Variants in PRELID2 observed in about 807,000 individuals in gnomAD.
PRELID2 encodes PRELI domain-containing protein 2.
PRELID2 carries 25 observed loss-of-function variants against 28.4 expected under a neutral mutation model. The ratio of observed to expected loss-of-function variants is 0.88; its 90% CI spans 0.64 to 1.23. PRELID2 has a LOEUF of 1.23. PRELID2 is among the 50% of genes most tolerant of loss of function. The pLI is 0.00. For synonymous variants in PRELID2, 76 were observed against 71.6 expected, an observed-to-expected ratio of 1.06 and a Z score of -0.31; for missense variants, 201 against 214.4, an observed-to-expected ratio of 0.94 and a Z score of 0.39.
chr5:145,590,389 C>T (rs10072272), intron 1 of PRELID2, among the ~76,000 whole-genome samples: 16,547 of 152,066 alleles, frequency 0.11, 2,407 homozygotes, highest in African/African-American at 0.34. Flanking sequence ...TCTAACATTT[C>T]CTTATTATTT....
intron 1 of PRELID2, among the ~76,000 whole-genome samples, chr5:145,505,372 T>A (rs576817242): frequency 9.2e-5 from 14 of 152,246 alleles, no homozygotes; most frequent in Non-Finnish European, 1.9e-4. Context: ...AACATCTGAG[T>A]TGGACTGTAG....
At chr5:145,541,498 C>A (rs1315411895) in intron 1 of PRELID2, among the ~76,000 whole-genome samples, 2 of 151,996 alleles carry the variant, frequency 1.3e-5, no homozygotes, top group African/African-American at 4.8e-5. Flanking sequence ...ATACACTGAA[C>A]CATTACACAA....
chr5:145,793,136 G>T (rs533290897), intron 5 of PRELID2, among the ~76,000 whole-genome samples: 9 of 152,204 alleles, frequency 5.9e-5, no homozygotes, highest in African/African-American at 2.2e-4. Context: ...TGACACAAAG[G>T]CTCCCAAATT....
chr5:145,600,428 A>ATAT (rs571050308), intron 1 of PRELID2, among the ~76,000 whole-genome samples: 1 of 119,454 alleles, frequency 8.4e-6, no homozygotes, highest in Admixed American at 8.5e-5. Flanking sequence ...GGGAAAAAAA[A>ATAT]AAAAAAATAT....
chr5:145,511,790 T>C (rs1752463345), intron 1 of PRELID2, among the ~76,000 whole-genome samples: 1 of 152,138 alleles, frequency 6.6e-6, no homozygotes, highest in Non-Finnish European at 1.5e-5. Flanking sequence ...AACAACTCAA[T>C]GGTCAGAAAT....
intron 1 of PRELID2, among the ~76,000 whole-genome samples, chr5:145,550,577 T>C (rs949282691): frequency 2.0e-5 from 3 of 152,070 alleles, no homozygotes; most frequent in Admixed American, 6.6e-5. Context: ...TCATCTCTAA[T>C]ATAGTAATAA....
the PRELID2 span, among the ~76,000 whole-genome samples, chr5:145,374,212 G>C: frequency 2.0e-5 from 3 of 151,726 alleles, no homozygotes; most frequent in Non-Finnish European, 4.4e-5. Context: ...TGCTTGTCTG[G>C]GAAGGATTTT....
intron 1 of PRELID2, among the ~76,000 whole-genome samples, chr5:145,666,015 G>T (rs1268931264): frequency 6.8e-6 from 1 of 146,660 alleles, no homozygotes; most frequent in South Asian, 2.1e-4. Flanking sequence ...AAGAAAGAAA[G>T]AAAGTACTAT....
chr5:145,672,261 T>G (rs1754722282), intron 1 of PRELID2, among the ~76,000 whole-genome samples: 2 of 152,118 alleles, frequency 1.3e-5, no homozygotes, highest in Non-Finnish European at 2.9e-5. Flanking sequence ...ATCAGCATCA[T>G]CTTTCACAGC....
At chr5:145,732,454 C>T (rs1019926) in intron 1 of PRELID2, among the ~76,000 whole-genome samples, 124,125 of 152,224 alleles carry the variant, frequency 0.82, 51,033 homozygotes, top group East Asian at 0.88. Context: ...TGTTCTATAT[C>T]CGCACTGTCC....
chr5:145,835,240 C>G lies in PRELID2; in HGVS notation c.12G>C (p.Ser4=), dbSNP rs1755865171. ...ACTTGTACACCTGGTGCACATCCAC[C>G]GAGACCCCCATCCCCGCGCGCCGCG... MGV[S]VDVHQVYKYP... is the part of the protein sequence containing the mutation. The change falls in exon 1 of 7, where the codon TCG becomes TCC. Residue 4 remains serine, a synonymous_variant. Coordinates refer to ENST00000683046, the MANE Select transcript of PRELID2 (RefSeq NM_205846.3). The G allele has an allele frequency of 6.5e-7, 1 of 1,548,086 alleles. No homozygotes were observed. Among genetic ancestry groups the G allele is most frequent in the South Asian group, 1.2e-5 (1 of 83,872 alleles).
the PRELID2 span, among the ~76,000 whole-genome samples, chr5:145,302,681 G>T: frequency 6.6e-6 from 1 of 151,758 alleles, no homozygotes; most frequent in Non-Finnish European, 1.5e-5. Context: ...AATTAAATGT[G>T]ATTAGTATTA....
At chr5:145,294,512 C>G in the PRELID2 span, among the ~76,000 whole-genome samples, 518 of 152,204 alleles carry the variant, frequency 3.4e-3, 1 homozygote, top group African/African-American at 0.012. Context: ...CATTGCTAAC[C>G]CTGTATGACC....
the PRELID2 span, among the ~76,000 whole-genome samples, chr5:145,368,837 G>C: frequency 6.6e-6 from 1 of 150,984 alleles, no homozygotes; most frequent in African/African-American, 2.4e-5. Context: ...TTAAATTCAG[G>C]GGTACATGTG....
chr5:145,520,632 C>A (rs917042370), intron 1 of PRELID2, among the ~76,000 whole-genome samples: 8 of 152,262 alleles, frequency 5.3e-5, no homozygotes, highest in Admixed American at 4.6e-4. Flanking sequence ...GGGCTGATTC[C>A]CAATGTTATA....
At position 145,638,749 on chromosome 5, in the gene PRELID2, G is replaced by T. The variant is rs1016251284; in HGVS notation, n.70+126182C>A. 9.9e-5 allele frequency among the ~76,000 whole-genome samples: 15 copies of T among 152,224 alleles called. 1 individual carries two copies. The East Asian group carries it at 2.7e-3, about 27-fold the overall frequency. ...ATTTCTATATTTTATGTCTTATCATGATATGATCTCTGGCATCATCATTTG... is the reference window on the plus strand; with the variant it reads ...ATTTCTATATTTTATGTCTTATCATTATATGATCTCTGGCATCATCATTTG... On this transcript the variant is annotated intron_variant and non_coding_transcript_variant, in intron 1 of 2. Transcript: ENST00000510259.
At chr5:145,435,995 A>T in the PRELID2 span, among the ~76,000 whole-genome samples, 1 of 152,146 alleles carries the variant, frequency 6.6e-6, no homozygotes, top group African/African-American at 2.4e-5. Flanking sequence ...ATATGGGAAA[A>T]TTGTGTGTCA....
At chr5:145,591,295 C>CAAAAAAA (rs879536286) in intron 1 of PRELID2, among the ~76,000 whole-genome samples, 1 of 94,590 alleles carries the variant, frequency 1.1e-5, no homozygotes. Flanking sequence ...GACTGTGTCT[C>CAAAAAAA]AAAAAAAAAA....
At chr5:145,501,893 T>C (rs964291386) in intron 1 of PRELID2, among the ~76,000 whole-genome samples, 1 of 152,166 alleles carries the variant, frequency 6.6e-6, no homozygotes, top group Admixed American at 6.6e-5. Context: ...AGAGTGATGC[T>C]ACTTTGGAAA....
Sources: gnomAD v4.1 joint callset for allele counts (sites outside exome capture counted in the v4.1 genomes callset) on GRCh38, gnomAD v4.1.1 for gene constraint, MANE v1.5 for transcripts, NCBI Gene and HGNC (gene_info 2026-07-23, HGNC 2026-07-21) for gene names.